Variants in WNK1 observed in about 807,000 individuals in gnomAD.
The protein encoded by WNK1 is WNK lysine deficient protein kinase 1.
WNK1 carries 38 observed loss-of-function variants against 222.8 expected under a neutral mutation model. The observed-to-expected ratio is 0.17, with a 90% CI of 0.13 to 0.22. The LOEUF (loss-of-function observed/expected upper bound fraction) is 0.22, where lower values mean the gene tolerates loss of function less well. Among genes scored for constraint, WNK1 ranks in the 10% least tolerant of loss-of-function variants. WNK1 has a pLI of 1.00. For synonymous variants in WNK1, 1,090 were observed against 1,092.9 expected, an observed-to-expected ratio of 1.00 and a Z score of 0.05; for missense variants, 2,348 against 2,918.4, an observed-to-expected ratio of 0.80 and a Z score of 4.50.
Position 753,990 on chromosome 12 carries a change from C to G in WNK1, c.425C>G (p.Ala142Gly), listed in dbSNP as rs774829509. 1 of 1,592,196 alleles carries G rather than the reference C, an allele frequency of 6.3e-7. No homozygotes were observed. The highest frequency in any genetic ancestry group is 1.1e-5 in the South Asian group (1 of 89,096). Residue 142 changes from alanine to glycine, a missense_variant, in exon 1 of 28, where the codon GCC becomes GGC. Physicochemically the swap from Ala to Gly is moderately conservative, Grantham distance 60. This residue lies in a region of WNK1 where 185 missense variants were observed against 159.2 expected (regional missense o/e 1.16). Transcript: ENST00000315939. The surrounding 1 kb of genome is among the most constrained non-coding windows in gnomAD (Gnocchi z 5.2). ...QVAQQPPAAA[A>G]PGEQAVAGPA... ...GCCCAGCAGCCTCCAGCCGCTGCCG[C>G]CCCTGGGGAACAGGCCGTCGCGGGC...
intron 4 of WNK1, among the ~76,000 whole-genome samples, chr12:831,304 G>A (rs1163829866): frequency 2.0e-5 from 3 of 152,066 alleles, no homozygotes; most frequent in Non-Finnish European, 2.9e-5. Context: ...TTGGGAGGCC[G>A]AGGCAGGTGG....
chr12:829,970 C>T (rs761298843), intron 3 of WNK1, 33 bp from the exon 4 acceptor site: 12 of 1,613,254 alleles, frequency 7.4e-6, no homozygotes, highest in African/African-American at 4.0e-5. Context: ...AGCTTCTGCT[C>T]GCATTGAGTC....
Position 787,086 on chromosome 12 carries a change from A to C in WNK1, c.760-26556A>C, listed in dbSNP as rs577787911. 2.0e-5 allele frequency among the ~76,000 whole-genome samples: 3 copies of C among 152,326 alleles called. No homozygotes were observed. In the South Asian group the frequency reaches 6.2e-4, roughly 32 times the overall value. ...TAATTTTCATTATTTAAGTGACTTA[A>C]ATGAAATTATGTATTTTTCATTGTT... is the stretch of plus-strand genomic sequence containing the variant. On this transcript the variant is annotated intron_variant, in intron 1 of 27. Transcript: ENST00000315939.
intron 1 of WNK1, among the ~76,000 whole-genome samples, chr12:770,020 C>A (rs1263663226): frequency 6.6e-6 from 1 of 151,360 alleles, no homozygotes; most frequent in Non-Finnish European, 1.5e-5. Flanking sequence ...GTTGCCCAGG[C>A]TGGAGTGCAA....
chr12:850,287 G>T (rs1232769569), intron 4 of WNK1, among the ~76,000 whole-genome samples: 2 of 151,940 alleles, frequency 1.3e-5, no homozygotes, highest in African/African-American at 2.4e-5. Context: ...GTATCTCATT[G>T]TGGTTTTGAT....
intron 6 of WNK1, among the ~76,000 whole-genome samples, chr12:860,181 A>G (rs1311117815): frequency 1.3e-5 from 2 of 152,190 alleles, no homozygotes; most frequent in African/African-American, 2.4e-5. Context: ...ATGACAAGTT[A>G]TGTTTCTACA....
intron 4 of WNK1, among the ~76,000 whole-genome samples, chr12:847,699 T>C (rs1458794671): frequency 6.6e-6 from 1 of 151,398 alleles, no homozygotes; most frequent in Non-Finnish European, 1.5e-5. Flanking sequence ...ATTTATCTTC[T>C]AGGTGGTGAA....
intron 26 of WNK1, among the ~76,000 whole-genome samples, chr12:905,333 A>G (rs1051648383): frequency 2.6e-5 from 4 of 152,168 alleles, no homozygotes; most frequent in Non-Finnish European, 4.4e-5. Context: ...GTGAAGGTTT[A>G]GCTGTATGGT....
At chr12:768,763 A>G (rs185193620) in intron 1 of WNK1, among the ~76,000 whole-genome samples, 5 of 152,330 alleles carry the variant, frequency 3.3e-5, no homozygotes, top group Admixed American at 3.3e-4. Flanking sequence ...GTACTTAGCT[A>G]AATATTACAC....
At chr12:808,645 C>T (rs1463878225) in intron 1 of WNK1, among the ~76,000 whole-genome samples, 1 of 151,842 alleles carries the variant, frequency 6.6e-6, no homozygotes, top group Non-Finnish European at 1.5e-5. Context: ...GAGAGAACCT[C>T]TTAGACTCCA....
At chr12:887,183 G>A in intron 19 of WNK1, 38 bp from the exon 20 acceptor site, 2 of 1,579,822 alleles carry the variant, frequency 1.3e-6, no homozygotes, top group Non-Finnish European at 1.7e-6. Flanking sequence ...TTTATATTTA[G>A]CGTCTCACGG....
chr12:908,884 T>C lies in WNK1; in HGVS notation c.*92T>C, dbSNP rs1565626943. ...GGGAAGTAGCCTATATACTAACTAC[T>C]AGTGCTGCATTTAACTGGTTATTTC... On this transcript the variant is annotated 3_prime_UTR_variant, in exon 28 of 28. Coordinates refer to ENST00000315939, the MANE Select transcript of WNK1 (RefSeq NM_018979.4). 2.3e-6 allele frequency: 3 copies of C among 1,315,160 alleles called. No individual in the cohort carries two copies. Among genetic ancestry groups the C allele is most frequent in the African/African-American group, 2.9e-5 (2 of 68,926 alleles). The allele number at this position is 1,315,160 out of a possible 1,614,324, so 81.5% of individuals were successfully genotyped here. A position where few individuals can be genotyped will look rare whatever the true frequency, so the allele number is the denominator to read the frequency against.
rs1953586974 is a variant in WNK1, at chr12:885,717, T to C, written c.4913T>C (p.Val1638Ala). The change falls in exon 19 of 28, where the codon GTA becomes GCA. Residue 1638 changes from valine (V) to alanine (A), a missense_variant. Val to Ala is a moderately conservative substitution (Grantham distance 64). This residue lies in a region of WNK1 where 1,144 missense variants were observed against 1,273.6 expected (regional missense o/e 0.90). Coordinates refer to ENST00000315939, the MANE Select transcript of WNK1 (RefSeq NM_018979.4). ...CAGCCCCATACTCATTGTCCTGAAG[T>C]AGATTCTGATACACAACCCAAAGCT... ...PNQPHTHCPE[V>A]DSDTQPKAPG... 2 of 1,613,992 alleles carry C rather than the reference T, an allele frequency of 1.2e-6. No individual in the cohort carries two copies. Among genetic ancestry groups the C allele is most frequent in the Middle Eastern group, 1.6e-4 (1 of 6,084 alleles).
chr12:753,739 C>T lies in WNK1; in HGVS notation c.174C>T (p.Arg58=), dbSNP rs139844665. ...TGRTEEYRRR[R]HTMDKDSRGA... ...GGACCGAGGAGTACAGGCGCCGCCGCCACACTATGGACAAGGACAGCCGTG... is the reference window on the plus strand; with the variant it reads ...GGACCGAGGAGTACAGGCGCCGCCGTCACACTATGGACAAGGACAGCCGTG... The change falls in exon 1 of 28, where the codon CGC becomes CGT. Residue 58 remains arginine (R), a synonymous_variant. Transcript: ENST00000315939. This position sits in a 1 kb window ranked among gnomAD's most constrained non-coding sequence, Gnocchi z 5.2. 1.9e-6 allele frequency: 3 copies of T among 1,612,248 alleles called. No individual in the cohort carries two copies. Among genetic ancestry groups the T allele is most frequent in the Non-Finnish European group, 1.7e-6 (2 of 1,179,894 alleles).
intron 1 of WNK1, among the ~76,000 whole-genome samples, chr12:811,250 C>T (rs540453396): frequency 5.8e-4 from 88 of 152,062 alleles, no homozygotes; most frequent in Non-Finnish European, 1.1e-3. Context: ...AATATTTAAA[C>T]AATATATGGT....
chr12:900,382 C>G, intron 25 of WNK1, 94 bp from the exon 26 acceptor site: 1 of 1,357,652 alleles, frequency 7.4e-7, no homozygotes, highest in Non-Finnish European at 1.1e-6. Context: ...TCATTCATCA[C>G]TCAGTGGAAC....
chr12:898,159 G>A (rs1361981042), intron 25 of WNK1, among the ~76,000 whole-genome samples: 2 of 152,132 alleles, frequency 1.3e-5, no homozygotes, highest in African/African-American at 4.8e-5. Context: ...CTTGATTAAG[G>A]TTTTTATTTC....
intron 26 of WNK1, chr12:901,473 C>A: frequency 1.1e-6 from 1 of 918,902 alleles, no homozygotes; most frequent in Non-Finnish European, 1.5e-6. Context: ...GTGCATTTCA[C>A]CACTCCAGCC....
At chr12:843,135 C>G (rs1949757771) in intron 4 of WNK1, among the ~76,000 whole-genome samples, 1 of 152,050 alleles carries the variant, frequency 6.6e-6, no homozygotes, top group African/African-American at 2.4e-5. Context: ...GGGGGTTTTA[C>G]CGTGTTAGTC....
Sources: allele counts gnomAD v4.1 joint callset (sites outside exome capture counted in the v4.1 genomes callset), GRCh38; gene constraint gnomAD v4.1.1; regional missense constraint gnomAD v4.1.1; non-coding constraint Gnocchi (gnomAD v3.1); transcripts MANE v1.5; gene names NCBI Gene and HGNC (gene_info 2026-07-23, HGNC 2026-07-21).